CIDEA: variants seen among roughly 807,000 people sequenced by gnomAD.
The protein encoded by CIDEA is lipid transferase CIDEA.
In CIDEA, 10 loss-of-function variants were observed where a neutral mutation model predicts 18.2. That is an observed-to-expected ratio of 0.55 (90% confidence interval 0.34 to 0.93). The LOEUF (loss-of-function observed/expected upper bound fraction) is 0.93, where lower values mean the gene tolerates loss of function less well. Ranked by LOEUF, CIDEA falls within the 40% of genes least tolerant of loss-of-function variation. The pLI, the probability that CIDEA is intolerant of heterozygous loss-of-function variation, is 0.02. For missense variants in CIDEA, 309 were observed against 293.1 expected (o/e 1.05, Z -0.40); for synonymous variants, 128 against 124.8 (o/e 1.03, Z -0.17).
rs751967214 is a variant in CIDEA at position 12,274,278 on chromosome 18, A to T, written c.512+4A>T. 1.2e-6 allele frequency: 2 copies of T among 1,613,974 alleles called. No homozygotes were observed. Among genetic ancestry groups the T allele is most frequent in the South Asian group, 1.1e-5 (1 of 91,072 alleles). ...CGGGACTCAAGGGCCTGCTGAGGTA[A>T]CACACTCCAGGGGTCACCTCCGGGG... On this transcript the variant is annotated splice_donor_region_variant and intron_variant, in intron 4 of 4. Transcript: ENST00000320477.
intron 3 of CIDEA, among the ~76,000 whole-genome samples, chr18:12,272,145 TG>T (rs1912554215): frequency 3.9e-4 from 1 of 2,534 alleles, no homozygotes; most frequent in African/African-American, 5.4e-4. Context: ...TTTGAGTGTG[TG>T]TGTGGGGGGG....
chr18:12,276,977 T>G, intron 4 of CIDEA, 146 bp from the exon 5 acceptor site: 1 of 893,020 alleles, frequency 1.1e-6, no homozygotes, highest in Non-Finnish European at 1.8e-6. Context: ...ACACGTGCAC[T>G]CTGAGAGTCA....
intron 3 of CIDEA, among the ~76,000 whole-genome samples, chr18:12,273,809 C>T (rs1378596104): frequency 6.6e-6 from 1 of 152,222 alleles, no homozygotes; most frequent in Non-Finnish European, 1.5e-5. Context: ...CATCTATCCA[C>T]TGAGCAACGG....
intron 1 of CIDEA, among the ~76,000 whole-genome samples, chr18:12,261,808 TG>T (rs1258210149): frequency 2.0e-5 from 3 of 151,716 alleles, no homozygotes; most frequent in Non-Finnish European, 4.4e-5. Context: ...CTCGAACTCC[TG>T]GGTTCAAGCT....
chr18:12,277,008 C>A, intron 4 of CIDEA, 115 bp from the exon 5 acceptor site: 1 of 1,147,130 alleles, frequency 8.7e-7, no homozygotes, highest in Non-Finnish European at 1.3e-6. Context: ...CTCTAAATGT[C>A]AGCCTGGCCT....
chr18:12,273,906 A>AG (rs1297620372), intron 3 of CIDEA, among the ~76,000 whole-genome samples, 187 bp from the exon 4 acceptor site: 1 of 152,228 alleles, frequency 6.6e-6, no homozygotes, highest in Non-Finnish European at 1.5e-5. Context: ...CCTCGTGGCT[A>AG]ATTGGACACA....
At chr18:12,275,047 G>C (rs1160146557) in intron 4 of CIDEA, among the ~76,000 whole-genome samples, 1 of 152,214 alleles carries the variant, frequency 6.6e-6, no homozygotes, top group Admixed American at 6.5e-5. Context: ...GGTTGGTCAG[G>C]CATGGTGGCT....
intron 1 of CIDEA, among the ~76,000 whole-genome samples, chr18:12,259,635 G>T (rs576949173): frequency 6.6e-6 from 1 of 152,338 alleles, no homozygotes; most frequent in East Asian, 1.9e-4. Flanking sequence ...GCCAAGGTGG[G>T]CAGATCACGA....
At chr18:12,272,536 CG>C (rs1568106140) in intron 3 of CIDEA, among the ~76,000 whole-genome samples, 1 of 151,830 alleles carries the variant, frequency 6.6e-6, no homozygotes, top group East Asian at 1.9e-4. Flanking sequence ...TTAGTAGAGA[CG>C]GGGTTTCGCC....
At position 12,254,379 on chromosome 18, in the gene CIDEA, GC is replaced by G; in HGVS notation, c.-4del. ...GACCTCCAGGCCCGCTAGGGGATCCGCGCCATGGAGGCCGCCCGGGACTATG... is the reference window on the plus strand; with the variant it reads ...GACCTCCAGGCCCGCTAGGGGATCCGGCCATGGAGGCCGCCCGGGACTATG... On this transcript the variant is annotated 5_prime_UTR_variant, in exon 1 of 5. Transcript: ENST00000320477. 1 of 1,535,648 alleles carries G rather than the reference GC, an allele frequency of 6.5e-7. No homozygotes were observed. Among genetic ancestry groups the G allele is most frequent in the South Asian group, 1.3e-5 (1 of 79,084 alleles).
Position 12,277,039 on chromosome 18 carries a change from G to C in CIDEA, c.513-84G>C, listed in dbSNP as rs954758876. The C allele has an allele frequency of 2.6e-4, 393 of 1,486,236 alleles. 1 individual carries two copies. The highest frequency in any genetic ancestry group is 1.5e-3 in the Admixed American group (86 of 57,078). 92.1% of individuals were successfully genotyped at this position (1,486,236 alleles called of 1,614,324 possible). A position where few individuals can be genotyped will look rare whatever the true frequency, so the allele number is the denominator to read the frequency against. On this transcript the variant is annotated intron_variant, in intron 4 of 4. Transcript: ENST00000320477. ...GGCCTCCTCCGAGTGCCTTTTGGTG[G>C]GGGGAGTGAAGTATTCCCATCCTGT... is the stretch of plus-strand genomic sequence containing the variant.
intron 3 of CIDEA, 58 bp downstream of exon 3, chr18:12,264,511 T>A (rs1912289124): frequency 6.9e-7 from 1 of 1,455,380 alleles, no homozygotes; most frequent in African/African-American, 1.4e-5. Context: ...CCTACAAATT[T>A]GTGTGCCCTA....
intron 3 of CIDEA, among the ~76,000 whole-genome samples, chr18:12,265,452 G>C (rs1171793979): frequency 6.6e-6 from 1 of 152,238 alleles, no homozygotes; most frequent in Non-Finnish European, 1.5e-5. Context: ...ACAGGAGACA[G>C]CCTCCAGCTG....
chr18:12,260,628 A>G (rs898633430), intron 1 of CIDEA, among the ~76,000 whole-genome samples: 1 of 152,254 alleles, frequency 6.6e-6, no homozygotes. Context: ...GAAATATAAC[A>G]ACGAAGTCTT....
chr18:12,260,981 G>C (rs1912174097), intron 1 of CIDEA, among the ~76,000 whole-genome samples: 1 of 152,204 alleles, frequency 6.6e-6, no homozygotes, highest in Non-Finnish European at 1.5e-5. Flanking sequence ...ATTCAATGAG[G>C]TCACACAGAT....
chr18:12,264,201 AG>A, intron 2 of CIDEA, 105 bp from the exon 3 acceptor site: 1 of 1,086,996 alleles, frequency 9.2e-7, no homozygotes, highest in Non-Finnish European at 1.3e-6. Context: ...AAATTTTATC[AG>A]AATCAGCCCA....
At chr18:12,272,028 G>GA (rs1415083771) in intron 3 of CIDEA, among the ~76,000 whole-genome samples, 1 of 152,014 alleles carries the variant, frequency 6.6e-6, no homozygotes, top group Non-Finnish European at 1.5e-5. Context: ...GACGGGAGGA[G>GA]AAGCCCTCTC....
rs560535569 is a variant in CIDEA at position 12,270,417 on chromosome 18, G to A, written c.331-3676G>A. On this transcript the variant is annotated intron_variant, in intron 3 of 4. Coordinates refer to ENST00000320477, the MANE Select transcript of CIDEA (RefSeq NM_001279.4). ...TCTTTAATGTAGATGAGGGCTGGGC[G>A]CAGTGGCTCACACCTGTAATCCCAG... is the stretch of plus-strand genomic sequence containing the variant. 3.9e-5 allele frequency among the ~76,000 whole-genome samples: 6 copies of A among 152,200 alleles called. No individual in the cohort carries two copies. The East Asian group carries it at 7.7e-4, about 20-fold the overall frequency.
intron 1 of CIDEA, among the ~76,000 whole-genome samples, chr18:12,258,464 T>C (rs895412808): frequency 6.6e-6 from 1 of 152,212 alleles, no homozygotes; most frequent in African/African-American, 2.4e-5. Context: ...TTTCACTCAG[T>C]AAATAGATGG....
Sources: allele counts gnomAD v4.1 joint callset (sites outside exome capture counted in the v4.1 genomes callset), GRCh38; gene constraint gnomAD v4.1.1; transcripts MANE v1.5; gene names NCBI Gene and HGNC (gene_info 2026-07-23, HGNC 2026-07-21).